XIRP2: variants seen among roughly 807,000 people sequenced by gnomAD.
XIRP2 encodes xin actin-binding repeat-containing protein 2.
In XIRP2, 236 loss-of-function variants were observed where a neutral mutation model predicts 277.0. That is an observed-to-expected ratio of 0.85 (90% confidence interval 0.77 to 0.95). XIRP2 has a LOEUF of 0.95. XIRP2 is among the 40% of genes least tolerant of loss of function. The pLI is 0.00. For missense variants in XIRP2, 4,640 were observed against 4,157.5 expected, an observed-to-expected ratio of 1.12 and a Z score of -3.19; for synonymous variants, 1,490 against 1,416.5, an observed-to-expected ratio of 1.05 and a Z score of -1.17.
At chr2:167,232,016 C>T (rs1375544313) in intron 5 of XIRP2, among the ~76,000 whole-genome samples, 4 of 151,946 alleles carry the variant, frequency 2.6e-5, no homozygotes, top group African/African-American at 4.8e-5. Context: ...TCTTGAGATA[C>T]ACTCTCCACC....
chr2:166,900,176 T>C (rs1684344866), intron 1 of XIRP2, among the ~76,000 whole-genome samples: 1 of 152,122 alleles, frequency 6.6e-6, no homozygotes, highest in African/African-American at 2.4e-5. Flanking sequence ...TTTTTCACTT[T>C]ATATTCTATG....
chr2:166,981,248 C>A (rs974608819), intron 2 of XIRP2, among the ~76,000 whole-genome samples: 6 of 152,124 alleles, frequency 3.9e-5, no homozygotes, highest in Non-Finnish European at 1.5e-5. Flanking sequence ...CAGGGCTATG[C>A]TCTTTCTAAG....
chr2:166,949,270 A>G (rs1007849476), intron 2 of XIRP2, among the ~76,000 whole-genome samples: 7 of 152,120 alleles, frequency 4.6e-5, no homozygotes, highest in Non-Finnish European at 7.4e-5. Flanking sequence ...TTTGGTTCAA[A>G]TAAGACCTCT....
chr2:167,183,004 A>T (rs962521249), intron 3 of XIRP2, among the ~76,000 whole-genome samples: 1 of 152,188 alleles, frequency 6.6e-6, no homozygotes, highest in Non-Finnish European at 1.5e-5. Flanking sequence ...CATAGCCTAG[A>T]AAAGAAGCAC....
chr2:167,024,218 G>C (rs186573562), intron 2 of XIRP2, among the ~76,000 whole-genome samples: 4,585 of 152,150 alleles, frequency 0.03, 80 homozygotes, highest in East Asian at 0.082. Flanking sequence ...TGAAGCAATT[G>C]TGAATGGGAG....
At position 167,210,773 on chromosome 2, in the gene XIRP2, G is replaced by A; in HGVS notation, c.601G>A (p.Glu201Lys). ...GPNKPESGFA[E>K]DSAARGEGVS... is the part of the protein sequence containing the mutation. ...TAATAAGCCTGAGAGTGGATTTGCAGAAGACAGTGCTGCTCGGGGCGAGGG... is the reference window on the plus strand; with the variant it reads ...TAATAAGCCTGAGAGTGGATTTGCAAAAGACAGTGCTGCTCGGGGCGAGGG... The change falls in exon 4 of 11, where the codon GAA (glutamate) becomes AAA (lysine). Residue 201 changes from glutamate to lysine, a missense_variant. Coordinates refer to ENST00000409195, the MANE Select transcript of XIRP2 (RefSeq NM_152381.6). 1.2e-6 allele frequency: 2 copies of A among 1,614,216 alleles called. No homozygotes were observed. The highest frequency in any genetic ancestry group is 1.7e-6 in the Non-Finnish European group (2 of 1,180,036).
rs1408029882 is a variant in XIRP2 at position 167,246,378 on chromosome 2, A to C, written c.4986A>C (p.Ala1662=). 8.1e-6 allele frequency: 13 copies of C among 1,613,400 alleles called. No individual in the cohort carries two copies. The highest frequency in any genetic ancestry group is 1.0e-5 in the Non-Finnish European group (12 of 1,179,712). Residue 1662 remains alanine (A), a synonymous_variant, in exon 9 of 11, where the codon GCA becomes GCC. Coordinates refer to ENST00000409195, the MANE Select transcript of XIRP2 (RefSeq NM_152381.6). ...TAGTGAAAGGTGATGTACAACAAGC[A>C]ATAAAAAACCTGTTCTCTGAGGAAA... is the stretch of plus-strand genomic sequence containing the variant. ...EEIVKGDVQQ[A]IKNLFSEERS...
chr2:167,226,072 C>G (rs1694591167), intron 5 of XIRP2, among the ~76,000 whole-genome samples: 2 of 152,278 alleles, frequency 1.3e-5, no homozygotes, highest in South Asian at 2.1e-4. Flanking sequence ...GTCTCAGTTC[C>G]TGACTATGCC....
At chr2:166,928,682 A>G (rs1429212263) in intron 2 of XIRP2, among the ~76,000 whole-genome samples, 4 of 152,144 alleles carry the variant, frequency 2.6e-5, no homozygotes, top group African/African-American at 9.7e-5. Context: ...TTCAAGCAGC[A>G]TAATTAACCC....
At chr2:166,899,709 T>C (rs1292307805) in intron 1 of XIRP2, among the ~76,000 whole-genome samples, 3 of 152,166 alleles carry the variant, frequency 2.0e-5, no homozygotes, top group South Asian at 4.1e-4. Context: ...CTGGTCTTCA[T>C]GGTTTCTGAT....
At chr2:167,062,833 T>TC (rs1558965905) in intron 2 of XIRP2, among the ~76,000 whole-genome samples, 1 of 152,084 alleles carries the variant, frequency 6.6e-6, no homozygotes, top group African/African-American at 2.4e-5. Context: ...CTCTTTTTTT[T>TC]CTCTTGATCA....
At chr2:167,111,432 C>T (rs985115605) in intron 2 of XIRP2, among the ~76,000 whole-genome samples, 1 of 152,082 alleles carries the variant, frequency 6.6e-6, no homozygotes, top group Non-Finnish European at 1.5e-5. Context: ...TTGAGATAAT[C>T]CTATGGTTTC....
At chr2:166,913,382 CCGTGGG>C (rs1684773138) in intron 2 of XIRP2, among the ~76,000 whole-genome samples, 1 of 151,786 alleles carries the variant, frequency 6.6e-6, no homozygotes, top group African/African-American at 2.4e-5. Context: ...GAGTGAGGCT[CCGTGGG>C]CGTGGGACCC....
Position 167,250,772 on chromosome 2 carries a change from A to G in XIRP2, c.9380A>G (p.Glu3127Gly). Residue 3127 changes from glutamate (E) to glycine (G), a missense_variant, in exon 9 of 11, where the codon GAA becomes GGA. Coordinates refer to ENST00000409195, the MANE Select transcript of XIRP2 (RefSeq NM_152381.6). ...RPPSPTFITI[E>G]STARRTENPT... ...CCGTCACCAACTTTTATCACAATAG[A>G]ATCTACTGCCCGACGAACAGAAAAC... is the stretch of plus-strand genomic sequence containing the variant. 1 of 1,613,560 alleles carries G rather than the reference A, an allele frequency of 6.2e-7. No homozygotes were observed. Among genetic ancestry groups the G allele is most frequent in the Non-Finnish European group, 8.5e-7 (1 of 1,179,726 alleles).
intron 5 of XIRP2, among the ~76,000 whole-genome samples, chr2:167,223,181 C>A (rs1694481520): frequency 6.6e-6 from 1 of 151,994 alleles, no homozygotes; most frequent in African/African-American, 2.4e-5. Context: ...TTTTGTGAAG[C>A]CCCAGAAGCT....
Position 167,257,871 on chromosome 2 carries a change from C to A in XIRP2, c.*54C>A. On this transcript the variant is annotated 3_prime_UTR_variant, in exon 11 of 11. Coordinates refer to ENST00000409195, the MANE Select transcript of XIRP2 (RefSeq NM_152381.6). ...CTTTTTGGCAGTTTGGGAAATTATG[C>A]ATCACTTCATGGACAAATATACTGT... is the stretch of plus-strand genomic sequence containing the variant. 6.3e-7 allele frequency: 1 copy of A among 1,588,486 alleles called. No homozygotes were observed. Among genetic ancestry groups the A allele is most frequent in the East Asian group, 2.2e-5 (1 of 44,614 alleles).
intron 2 of XIRP2, among the ~76,000 whole-genome samples, chr2:166,921,958 C>G (rs1389168828): frequency 6.6e-6 from 1 of 152,128 alleles, no homozygotes; most frequent in Non-Finnish European, 1.5e-5. Flanking sequence ...CTCTATATGC[C>G]TTACAGATGA....
At chr2:166,913,511 C>T (rs1684777096) in intron 2 of XIRP2, among the ~76,000 whole-genome samples, 1 of 152,130 alleles carries the variant, frequency 6.6e-6, no homozygotes, top group African/African-American at 2.4e-5. Flanking sequence ...TGGAGCTGTT[C>T]CTATTCAGCC....
At chr2:167,200,431 A>T (rs960769925) in intron 3 of XIRP2, among the ~76,000 whole-genome samples, 2 of 152,110 alleles carry the variant, frequency 1.3e-5, no homozygotes, top group African/African-American at 4.8e-5. Flanking sequence ...AACATGAGGA[A>T]CCATTAAGGG....
Sources: allele counts gnomAD v4.1 joint callset (sites outside exome capture counted in the v4.1 genomes callset), GRCh38; gene constraint gnomAD v4.1.1; transcripts MANE v1.5; gene names NCBI Gene and HGNC (gene_info 2026-07-23, HGNC 2026-07-21).